The following ZZEF1 variants were observed in gnomAD, a reference collection of about 807,000 sequenced individuals.
ZZEF1 encodes zinc finger ZZ-type and EF-hand domain-containing protein 1.
A neutral mutation model predicts 342.8 loss-of-function variants in ZZEF1; 157 were observed. The observed-to-expected ratio is 0.46, with a 90% CI of 0.40 to 0.52. The LOEUF is 0.52. ZZEF1 is among the 20% of genes least tolerant of loss of function. The pLI is 0.00. For synonymous variants in ZZEF1, 1,505 were observed against 1,429.1 expected (o/e 1.05, Z -1.20); for missense variants, 3,480 against 3,725.6 (o/e 0.93, Z 1.72).
rs57925351 is a variant in ZZEF1, at chr17:4,112,033, AATATATATATATATAT to A, written c.1066+560_1066+575del. Among the ~76,000 whole-genome samples, 410 of 54,272 alleles carry A rather than the reference AATATATATATATATAT, an allele frequency of 7.6e-3. 5 individuals are homozygous for A. The highest frequency in any genetic ancestry group is 0.011 in the Non-Finnish European group (276 of 25,270). The allele number at this position is 54,272 out of a possible 152,430, so 35.6% of individuals were successfully genotyped here. On this transcript the variant is annotated intron_variant, in intron 5 of 54. Transcript: ENST00000381638. ...GGGTGACAAAAAGAGATCCTGTCTAAATATATATATATATATATATATATATATATATATATATATA... is the reference window on the plus strand; with the variant it reads ...GGGTGACAAAAAGAGATCCTGTCTAAATATATATATATATATATATATATA...
rs577598679 is a variant in ZZEF1, at chr17:4,055,980, C to T, written c.5295+236G>A. ...GCGGTTTATTGTGGGCTCATGCTCC[C>T]GTGAAAATCCAATGCCGCAGCTGAT... On this transcript the variant is annotated intron_variant, in intron 33 of 54. Transcript: ENST00000381638. Among the ~76,000 whole-genome samples the T allele has an allele frequency of 3.3e-5, 5 of 152,348 alleles. No homozygotes were observed. The South Asian group carries it at 8.3e-4, about 25-fold the overall frequency.
Position 4,004,535 on chromosome 17 carries a change from T to G in ZZEF1, c.*2355A>C, listed in dbSNP as rs1334408286. 6.6e-6 allele frequency: 1 copy of G among 152,568 alleles called. No individual in the cohort carries two copies. Among genetic ancestry groups the G allele is most frequent in the Non-Finnish European group, 1.5e-5 (1 of 68,044 alleles). The allele number at this position is 152,568 out of a possible 1,614,324, so 9.5% of individuals were successfully genotyped here. A position where few individuals can be genotyped will look rare whatever the true frequency, so the allele number is the denominator to read the frequency against. ...CATCCTTTTTACAGGCTGAACTCAC[T>G]CAGGCTGATAGAATCAAAATTCTTT... is the stretch of plus-strand genomic sequence containing the variant. On this transcript the variant is annotated 3_prime_UTR_variant, in exon 55 of 55. Transcript: ENST00000381638.
At chr17:4,081,659 G>A (rs2057726443) in intron 17 of ZZEF1, among the ~76,000 whole-genome samples, 169 bp from the exon 18 acceptor site, 1 of 152,216 alleles carries the variant, frequency 6.6e-6, no homozygotes, top group African/African-American at 2.4e-5. Context: ...CTGTGCCGCT[G>A]TCTGTCCACA....
chr17:4,106,670 A>C lies in ZZEF1; in HGVS notation c.1278-861T>G, dbSNP rs182653767. Among the ~76,000 whole-genome samples, 9 of 152,110 alleles carry C rather than the reference A, an allele frequency of 5.9e-5. No homozygotes were observed. In the East Asian group the frequency reaches 1.7e-3, roughly 29 times the overall value. On this transcript the variant is annotated intron_variant, in intron 6 of 54. Transcript: ENST00000381638. ...CCTTTTCTTGTCTTTGCTTACATTT[A>C]TCTTTCTGAATCCCCCAATAGCTTT...
intron 34 of ZZEF1, 33 bp from the exon 35 acceptor site, chr17:4,052,169 G>A (rs2145169650): frequency 6.4e-7 from 1 of 1,573,876 alleles, no homozygotes; most frequent in South Asian, 1.2e-5. Context: ...GAGGGGATGA[G>A]GTAGAGGGCT....
At position 4,122,386 on chromosome 17, in the gene ZZEF1, T is replaced by TC. The variant is rs201829302; in HGVS notation, c.499+1520_499+1521insG. Among the ~76,000 whole-genome samples, 1,285 of 152,196 alleles carry TC rather than the reference T, an allele frequency of 8.4e-3. 17 individuals carry two copies. Among genetic ancestry groups the TC allele is most frequent in the African/African-American group, 0.03 (1,226 of 41,548 alleles). ...AAACACAGGCCATGTCTTTTCTTTT[T>TC]TTTTTTTTCCAGACGGAGTTTCGCT... On this transcript the variant is annotated intron_variant, in intron 2 of 54. Coordinates refer to ENST00000381638, the MANE Select transcript of ZZEF1 (RefSeq NM_015113.4).
In ZZEF1 at chr17:4,072,828, G is replaced by A. The variant is rs935524239; in HGVS notation, c.3686-72C>T. ...TATTGAGAATCTTTGAAATGAGAAAGAAAAGGTTAAAAAAAACCATGGATA... is the reference window on the plus strand; with the variant it reads ...TATTGAGAATCTTTGAAATGAGAAAAAAAAGGTTAAAAAAAACCATGGATA... On this transcript the variant is annotated intron_variant, in intron 24 of 54. Transcript: ENST00000381638. The A allele has an allele frequency of 4.2e-6, 6 of 1,441,436 alleles. No homozygotes were observed. The African/African-American group carries it at 5.8e-5, about 14-fold the overall frequency. 89.3% of individuals were successfully genotyped at this position (1,441,436 alleles called of 1,614,324 possible). A position where few individuals can be genotyped will look rare whatever the true frequency, so the allele number is the denominator to read the frequency against.
chr17:4,063,680 G>C (rs1567806845), intron 29 of ZZEF1, among the ~76,000 whole-genome samples: 1 of 151,764 alleles, frequency 6.6e-6, no homozygotes, highest in Non-Finnish European at 1.5e-5. Flanking sequence ...TCCTGCCTCA[G>C]GCTCCCAGGT....
intron 39 of ZZEF1, among the ~76,000 whole-genome samples, chr17:4,035,620 G>C (rs144174959): frequency 2.0e-5 from 3 of 152,236 alleles, no homozygotes; most frequent in Non-Finnish European, 4.4e-5. Context: ...AAACGCAGAA[G>C]AGCAGCCTGA....
At position 4,016,590 on chromosome 17, in the gene ZZEF1, G is replaced by A. The variant is rs2056108250; in HGVS notation, c.8002-124C>T. ...CATCTTAGACCTAGGACGAGCCTCT[G>A]TGACTCCACCACCCAAAACCAACTC... On this transcript the variant is annotated intron_variant, in intron 48 of 54. Transcript: ENST00000381638. The surrounding 1 kb of genome is among the most constrained non-coding windows in gnomAD (Gnocchi z 4.4). 1.6e-6 allele frequency: 2 copies of A among 1,218,698 alleles called. No homozygotes were observed. Among genetic ancestry groups the A allele is most frequent in the Non-Finnish European group, 2.2e-6 (2 of 900,934 alleles). 75.5% of individuals were successfully genotyped at this position (1,218,698 alleles called of 1,614,324 possible).
chr17:4,022,253 A>T (rs760820852), intron 44 of ZZEF1, among the ~76,000 whole-genome samples: 1 of 152,228 alleles, frequency 6.6e-6, no homozygotes, highest in Non-Finnish European at 1.5e-5. Flanking sequence ...CTGGGCACAG[A>T]AAGTCCACAG....
Position 4,085,705 on chromosome 17 carries a change from G to C in ZZEF1, c.2611C>G (p.Arg871Gly), listed in dbSNP as rs375452122. ...LNGAAIFFPN[R>G]QTRRNHLFTM... ...AAGAGATGGTTCCGTCGGGTCTGTC[G>C]ATTAGGAAAGAAGATGGCAGCCCCA... Residue 871 changes from arginine (R) to glycine (G), a missense_variant, in exon 16 of 55, where the codon CGA becomes GGA. Transcript: ENST00000381638. 1 of 1,614,138 alleles carries C rather than the reference G, an allele frequency of 6.2e-7. No homozygotes were observed.
At chr17:4,039,129 T>A (rs1268016943) in intron 39 of ZZEF1, among the ~76,000 whole-genome samples, 1 of 151,712 alleles carries the variant, frequency 6.6e-6, no homozygotes, top group Non-Finnish European at 1.5e-5. Flanking sequence ...GAGATAAACA[T>A]GAAAAATACA....
intron 4 of ZZEF1, among the ~76,000 whole-genome samples, chr17:4,113,281 G>C (rs1026757109): frequency 6.6e-6 from 1 of 152,196 alleles, no homozygotes; most frequent in Non-Finnish European, 1.5e-5. Flanking sequence ...AGCAGCTTCA[G>C]AGCTTCCAGA....
chr17:4,032,738 G>A (rs979420400), intron 41 of ZZEF1, 90 bp downstream of exon 41: 14 of 1,359,686 alleles, frequency 1.0e-5, no homozygotes, highest in African/African-American at 1.4e-5. Flanking sequence ...AGAGATCTAT[G>A]CCTATATATC....
chr17:4,056,634 C>T, intron 32 of ZZEF1: 1 of 183,560 alleles, frequency 5.4e-6, no homozygotes, highest in South Asian at 1.9e-4. Flanking sequence ...TTATGGTGAA[C>T]CTACTATGTG....
At chr17:4,035,996 A>G (rs2056652650) in intron 39 of ZZEF1, among the ~76,000 whole-genome samples, 1 of 148,210 alleles carries the variant, frequency 6.7e-6, no homozygotes, top group South Asian at 2.2e-4. Context: ...GCTACTCAGG[A>G]GGCTGAGACA....
At chr17:4,108,723 T>C (rs968840237) in intron 6 of ZZEF1, among the ~76,000 whole-genome samples, 5 of 152,176 alleles carry the variant, frequency 3.3e-5, no homozygotes, top group African/African-American at 9.6e-5. Flanking sequence ...GAGGAAGAAA[T>C]AAAAATTATT....
At chr17:4,050,128 T>A (rs936029835) in intron 36 of ZZEF1, among the ~76,000 whole-genome samples, 2 of 152,200 alleles carry the variant, frequency 1.3e-5, no homozygotes, top group African/African-American at 4.8e-5. Flanking sequence ...ATTGTCTATT[T>A]AGAAAATAAT....
Sources: allele counts gnomAD v4.1 joint callset (sites outside exome capture counted in the v4.1 genomes callset), GRCh38; gene constraint gnomAD v4.1.1; non-coding constraint Gnocchi (gnomAD v3.1); transcripts MANE v1.5; gene names NCBI Gene and HGNC (gene_info 2026-07-23, HGNC 2026-07-21).